KIF21A: variants seen among roughly 807,000 people sequenced by gnomAD.
KIF21A encodes kinesin family member 21A, also known as kinesin-like protein KIF21A.
A neutral mutation model predicts 202.9 loss-of-function variants in KIF21A; 114 were observed. The ratio of observed to expected loss-of-function variants is 0.56; its 90% CI spans 0.48 to 0.66. The LOEUF is 0.66. KIF21A is among the 30% of genes least tolerant of loss of function. The pLI, the probability that KIF21A is intolerant of heterozygous loss-of-function variation, is 0.00. For missense variants in KIF21A, 1,677 were observed against 1,994.9 expected, an observed-to-expected ratio of 0.84 and a Z score of 3.04; for synonymous variants, 667 against 670.8, an observed-to-expected ratio of 0.99 and a Z score of 0.09.
At chr12:39,390,187 T>C (rs1057140863) in intron 1 of KIF21A, among the ~76,000 whole-genome samples, 4 of 152,176 alleles carry the variant, frequency 2.6e-5, no homozygotes, top group Non-Finnish European at 4.4e-5. Flanking sequence ...CTATTCAAAA[T>C]GGCAACAACA....
At chr12:39,310,743 A>G (rs1175581722) in intron 32 of KIF21A, among the ~76,000 whole-genome samples, 3 of 152,072 alleles carry the variant, frequency 2.0e-5, no homozygotes, top group African/African-American at 4.8e-5. Context: ...ATAGCTGGGC[A>G]TAATTCCTCT....
At chr12:39,396,488 T>G (rs1250923404) in intron 1 of KIF21A, among the ~76,000 whole-genome samples, 1 of 152,320 alleles carries the variant, frequency 6.6e-6, no homozygotes, top group East Asian at 1.9e-4. Flanking sequence ...AACGTTATAT[T>G]TTTACGTCCC....
At chr12:39,309,513 T>C in intron 33 of KIF21A, 73 bp downstream of exon 33, 1 of 1,102,392 alleles carries the variant, frequency 9.1e-7, no homozygotes, top group South Asian at 1.4e-5. Context: ...TCCTCTCTTT[T>C]CTTATATTTG....
intron 28 of KIF21A, among the ~76,000 whole-genome samples, chr12:39,318,907 G>A (rs1156923281): frequency 1.3e-5 from 2 of 152,102 alleles, no homozygotes; most frequent in African/African-American, 4.8e-5. Flanking sequence ...TGTGAACCCG[G>A]GAGGCGGAGT....
chr12:39,436,594 G>C (rs1318751641), intron 1 of KIF21A, among the ~76,000 whole-genome samples: 5 of 134,092 alleles, frequency 3.7e-5, no homozygotes, highest in Non-Finnish European at 6.2e-5. Flanking sequence ...ACGGACTACA[G>C]ACACACACCA....
chr12:39,358,323 T>C lies in KIF21A; in HGVS notation c.1070A>G (p.Glu357Gly). ...CVSPSDRDFMETLNTLKYANR... is the reference protein window; with the variant it reads ...CVSPSDRDFMGTLNTLKYANR... ...GGCGTATTTCAGGGTGTTTAACGTT[T>C]CCATAAAGTCTCTGTCTGAAGGGCT... Residue 357 changes from glutamate (E) to glycine (G), a missense_variant, in exon 8 of 38, where the codon GAA becomes GGA. This residue lies in a region of KIF21A where 966 missense variants were observed against 1,180.9 expected (regional missense o/e 0.82). Coordinates refer to ENST00000361418, the MANE Select transcript of KIF21A (RefSeq NM_001173464.2). 1.2e-6 allele frequency: 2 copies of C among 1,614,130 alleles called. No individual in the cohort carries two copies. The highest frequency in any genetic ancestry group is 1.7e-6 in the Non-Finnish European group (2 of 1,179,992).
At position 39,320,932 on chromosome 12, in the gene KIF21A, C is replaced by CAAAA. The variant is rs59613512; in HGVS notation, c.3672-923_3672-920dup. On this transcript the variant is annotated intron_variant, in intron 27 of 37. Transcript: ENST00000361418. ...TCTGGGCAACAGAGCAAGACTCTGC[C>CAAAA]AAAAAAAAAAAAAAAAAAAAAAAAA... 5.2e-3 allele frequency among the ~76,000 whole-genome samples: 84 copies of CAAAA among 16,134 alleles called. 10 individuals carry two copies. Among genetic ancestry groups the CAAAA allele is most frequent in the Admixed American group, 0.033 (36 of 1,086 alleles). The allele number at this position is 16,134 out of a possible 152,430, so 10.6% of individuals were successfully genotyped here. A position where few individuals can be genotyped will look rare whatever the true frequency, so the allele number is the denominator to read the frequency against.
intron 34 of KIF21A, 24 bp downstream of exon 34, chr12:39,307,541 G>T (rs1217942166): frequency 6.2e-7 from 1 of 1,608,302 alleles, no homozygotes; most frequent in Non-Finnish European, 8.5e-7. Context: ...TAGGCAAGAG[G>T]TATGTTTTCT....
intron 1 of KIF21A, among the ~76,000 whole-genome samples, chr12:39,417,433 ATTATG>A (rs1278856674): frequency 6.6e-6 from 1 of 152,206 alleles, no homozygotes; most frequent in Non-Finnish European, 1.5e-5. Flanking sequence ...CACTATTTAT[ATTATG>A]TTATGAAACA....
At chr12:39,439,071 C>T (rs533297607) in intron 1 of KIF21A, among the ~76,000 whole-genome samples, 3 of 152,234 alleles carry the variant, frequency 2.0e-5, no homozygotes, top group East Asian at 3.9e-4. Context: ...TTCCTACACC[C>T]ATGCACTCAG....
chr12:39,381,191 T>C (rs1046145899), intron 1 of KIF21A, among the ~76,000 whole-genome samples: 2 of 150,552 alleles, frequency 1.3e-5, no homozygotes, highest in Admixed American at 1.3e-4. Flanking sequence ...GCCTGTAGTC[T>C]CAGCTACTCA....
At position 39,442,587 on chromosome 12, in the gene KIF21A, G is replaced by A. The variant is rs374627107; in HGVS notation, c.44+340C>T. ...TCCCGGACAGGCGATAGCCCAAGGC[G>A]GCCAGACCTGAGGTGACTGATCCCG... On this transcript the variant is annotated intron_variant, in intron 1 of 37. Transcript: ENST00000361418. The surrounding 1 kb of genome is among the most constrained non-coding windows in gnomAD (Gnocchi z 5.0). Among the ~76,000 whole-genome samples, 2 of 152,314 alleles carry A rather than the reference G, an allele frequency of 1.3e-5. No individual in the cohort carries two copies. The highest frequency in any genetic ancestry group is 3.9e-4 in the East Asian group (2 of 5,178).
At chr12:39,329,831 T>G (rs938407734) in intron 24 of KIF21A, among the ~76,000 whole-genome samples, 44 of 151,794 alleles carry the variant, frequency 2.9e-4, no homozygotes, top group African/African-American at 1.0e-3. Context: ...TAAGTATATA[T>G]ATATATACCA....
chr12:39,325,243 A>T (rs1175750436), intron 26 of KIF21A, among the ~76,000 whole-genome samples: 6 of 152,184 alleles, frequency 3.9e-5, no homozygotes, highest in African/African-American at 1.4e-4. Flanking sequence ...CAATTTAGTT[A>T]ATCAGCAGCT....
chr12:39,411,836 C>G lies in KIF21A; in HGVS notation c.44+31091G>C, dbSNP rs73268310. Among the ~76,000 whole-genome samples the G allele has an allele frequency of 7.6e-3, 1,155 of 152,160 alleles. 13 individuals carry two copies. The highest frequency in any genetic ancestry group is 0.026 in the African/African-American group (1,083 of 41,518). On this transcript the variant is annotated intron_variant, in intron 1 of 37. Transcript: ENST00000361418. ...ATAGGTATGAGCCACTGTACCTGGCCTGCTGCTAATTTTTTTTTTAAACAG... is the reference window on the plus strand; with the variant it reads ...ATAGGTATGAGCCACTGTACCTGGCGTGCTGCTAATTTTTTTTTTAAACAG...
intron 6 of KIF21A, 124 bp from the exon 7 acceptor site, chr12:39,363,337 G>GT (rs1322868880): frequency 4.7e-6 from 3 of 636,628 alleles, no homozygotes; most frequent in Non-Finnish European, 8.1e-6. Context: ...TTTGTGTTTG[G>GT]TTTTGTTTTA....
intron 1 of KIF21A, among the ~76,000 whole-genome samples, chr12:39,388,971 G>A (rs565756448): frequency 2.9e-4 from 44 of 152,078 alleles, no homozygotes; most frequent in Non-Finnish European, 1.8e-4. Context: ...TCTAAAATCT[G>A]GGAATTGTCC....
At chr12:39,436,891 T>A (rs1008078577) in intron 1 of KIF21A, among the ~76,000 whole-genome samples, 12 of 152,188 alleles carry the variant, frequency 7.9e-5, no homozygotes, top group Non-Finnish European at 2.9e-5. Flanking sequence ...AACTTTGTTT[T>A]ATTTTGAATA....
chr12:39,435,603 A>T (rs1592742597), intron 1 of KIF21A, among the ~76,000 whole-genome samples: 2 of 152,208 alleles, frequency 1.3e-5, no homozygotes, highest in East Asian at 3.9e-4. Context: ...TTTCTAAACC[A>T]CTCAGATTTC....
Sources: gnomAD v4.1 joint callset for allele counts (sites outside exome capture counted in the v4.1 genomes callset) on GRCh38, gnomAD v4.1.1 for gene constraint, gnomAD v4.1.1 regional missense constraint, Gnocchi (gnomAD v3.1) non-coding constraint, MANE v1.5 for transcripts, NCBI Gene and HGNC (gene_info 2026-07-23, HGNC 2026-07-21) for gene names.